Variants in SLC37A2 observed in about 807,000 individuals in gnomAD.
SLC37A2 encodes solute carrier family 37 member 2.
Under a neutral mutation model 70.7 loss-of-function variants are expected in SLC37A2, and 59 were observed. That is an observed-to-expected ratio of 0.83 (90% CI 0.68 to 1.04). The LOEUF (loss-of-function observed/expected upper bound fraction) is 1.04. SLC37A2 is among the 50% of genes least tolerant of loss of function. The pLI is 0.00. For missense variants in SLC37A2, 580 were observed against 658.1 expected (o/e 0.88, Z 1.30); for synonymous variants, 257 against 262.1 (o/e 0.98, Z 0.19).
chr11:125,077,235 T>C lies in SLC37A2; in HGVS notation c.147T>C (p.Arg49=). The change falls in exon 3 of 18, where the codon CGT becomes CGC. Residue 49 remains arginine, a synonymous_variant. Transcript: ENST00000403796. ...SRKPISIVKS[R]LHQNCSEQIK... ...ATGTCCCATTGCCTATCCAGAGCCG[T>C]CTGCACCAGAACTGCTCGGAGCAGA... 1.3e-6 allele frequency: 2 copies of C among 1,588,040 alleles called. No homozygotes were observed. Among genetic ancestry groups the C allele is most frequent in the Non-Finnish European group, 1.7e-6 (2 of 1,167,822 alleles).
At chr11:125,082,654 G>T (rs1949163035) in intron 10 of SLC37A2, among the ~76,000 whole-genome samples, 1 of 152,064 alleles carries the variant, frequency 6.6e-6, no homozygotes, top group Non-Finnish European at 1.5e-5. Context: ...CCCCCTCCAG[G>T]CTGCTTGGCT....
chr11:125,069,150 A>G (rs1949006692), intron 1 of SLC37A2, among the ~76,000 whole-genome samples: 1 of 152,226 alleles, frequency 6.6e-6, no homozygotes, highest in Non-Finnish European at 1.5e-5. Flanking sequence ...TGTGCCAGGC[A>G]TTGTTTATTT....
chr11:125,074,102 C>T (rs371881610), intron 1 of SLC37A2, among the ~76,000 whole-genome samples: 127 of 152,238 alleles, frequency 8.3e-4, no homozygotes, highest in African/African-American at 3.0e-3. Flanking sequence ...GCGGAGTTCC[C>T]CAAACAGGTA....
chr11:125,082,251 T>C lies in SLC37A2; in HGVS notation c.893T>C (p.Val298Ala). The change falls in exon 10 of 18, where the codon GTC (valine) becomes GCC (alanine). Residue 298 changes from valine (V) to alanine (A), a missense_variant. Val to Ala is a moderately conservative substitution (Grantham distance 64, BLOSUM62 0). Coordinates refer to ENST00000403796, the MANE Select transcript of SLC37A2 (RefSeq NM_001145290.2). ...FFGALRIPGV[V>A]EFSLCLLFAK... ...CCCTGTTGCACTCCCCAGGGCGTGG[T>C]CGAGTTCTCTCTGTGTCTGCTGTTT... 1 of 1,613,922 alleles carries C rather than the reference T, an allele frequency of 6.2e-7. No homozygotes were observed. Among genetic ancestry groups the C allele is most frequent in the African/African-American group, 1.3e-5 (1 of 74,976 alleles).
chr11:125,075,726 A>G (rs1375276513), intron 1 of SLC37A2, among the ~76,000 whole-genome samples: 2 of 152,188 alleles, frequency 1.3e-5, no homozygotes, highest in African/African-American at 4.8e-5. Context: ...GCTTCATGCC[A>G]CATTTGGGGG....
chr11:125,076,682 G>A (rs751829429), intron 1 of SLC37A2, 75 bp from the exon 2 acceptor site: 76 of 1,377,510 alleles, frequency 5.5e-5, no homozygotes, highest in Non-Finnish European at 7.2e-5. Context: ...GAGGGGACAC[G>A]GGTCAGGGAT....
chr11:125,075,521 C>A (rs1310642607), intron 1 of SLC37A2, among the ~76,000 whole-genome samples: 1 of 152,104 alleles, frequency 6.6e-6, no homozygotes, highest in East Asian at 1.9e-4. Flanking sequence ...CACTGTTGCA[C>A]CTTCATGCTG....
intron 1 of SLC37A2, among the ~76,000 whole-genome samples, chr11:125,070,949 C>G (rs775557564): frequency 6.6e-6 from 1 of 152,214 alleles, no homozygotes; most frequent in Non-Finnish European, 1.5e-5. Context: ...AGCAAGGTTT[C>G]GAAATAGTCT....
At chr11:125,087,798 A>C in intron 17 of SLC37A2, 2 of 222,930 alleles carry the variant, frequency 9.0e-6, no homozygotes, top group Non-Finnish European at 1.8e-5. Context: ...ACGCCCGGCT[A>C]ATTTTGTATT....
intron 5 of SLC37A2, 134 bp from the exon 6 acceptor site, chr11:125,079,550 G>A (rs765930674): frequency 4.1e-5 from 28 of 689,710 alleles, no homozygotes; most frequent in Non-Finnish European, 6.3e-5. Flanking sequence ...GTAAGGGAAG[G>A]GTAAGGTTTG....
At chr11:125,071,974 T>G (rs1286923789) in intron 1 of SLC37A2, among the ~76,000 whole-genome samples, 1 of 151,984 alleles carries the variant, frequency 6.6e-6, no homozygotes, top group Admixed American at 6.6e-5. Flanking sequence ...ACTGAATCCA[T>G]TTTCTCTGGA....
Position 125,079,217 on chromosome 11 carries a change from C to A in SLC37A2, c.420C>A (p.Ile140=). ...SLFGLGYFWN[I]HELWYFVVIQ... ...TTGGCCTGGGATATTTCTGGAACAT[C>A]CACGAGCTCTGGTACTTTGTGGTCA... The change falls in exon 5 of 18, where the codon ATC becomes ATA. Residue 140 remains isoleucine (I), a synonymous_variant. Coordinates refer to ENST00000403796, the MANE Select transcript of SLC37A2 (RefSeq NM_001145290.2). 6.2e-7 allele frequency: 1 copy of A among 1,614,168 alleles called. No individual in the cohort carries two copies. The highest frequency in any genetic ancestry group is 8.5e-7 in the Non-Finnish European group (1 of 1,180,024).
In SLC37A2 at chr11:125,083,511, A is replaced by C; in HGVS notation, c.977-304A>C. ...GAGCTTCAGGTTGCGCTCCAGGGGA[A>C]AGGTGGCCACGGGACAGCAGGCTCG... is the stretch of plus-strand genomic sequence containing the variant. On this transcript the variant is annotated intron_variant, in intron 10 of 17. Transcript: ENST00000403796. The surrounding 1 kb of genome is among the most constrained non-coding windows in gnomAD (Gnocchi z 4.6). 9.2e-6 allele frequency: 3 copies of C among 324,430 alleles called. No individual in the cohort carries two copies. Among genetic ancestry groups the C allele is most frequent in the Non-Finnish European group, 1.2e-5 (2 of 171,788 alleles). 20.1% of individuals were successfully genotyped at this position (324,430 alleles called of 1,614,324 possible). A position where few individuals can be genotyped will look rare whatever the true frequency, so the allele number is the denominator to read the frequency against.
chr11:125,071,522 TC>T (rs1478011256), intron 1 of SLC37A2, among the ~76,000 whole-genome samples: 1 of 152,218 alleles, frequency 6.6e-6, no homozygotes, highest in Non-Finnish European at 1.5e-5. Context: ...CAGACTGTCA[TC>T]TGAGCCACCA....
intron 17 of SLC37A2, chr11:125,087,841 A>G: frequency 3.3e-6 from 1 of 307,642 alleles, no homozygotes; most frequent in Non-Finnish European, 6.1e-6. Flanking sequence ...CATGTTGGTC[A>G]GGCTGGTCTT....
intron 17 of SLC37A2, chr11:125,087,265 A>G (rs1293515612): frequency 6.6e-6 from 1 of 152,448 alleles, no homozygotes; most frequent in East Asian, 1.9e-4. Flanking sequence ...GGCACAGCCT[A>G]ACACTGAAAC....
intron 16 of SLC37A2, 136 bp from the exon 17 acceptor site, chr11:125,085,818 C>T (rs1949207161): frequency 6.5e-6 from 8 of 1,225,280 alleles, no homozygotes; most frequent in Non-Finnish European, 9.5e-6. Context: ...TCTCCCTCCC[C>T]CGAGTGACCC....
chr11:125,086,560 A>G (rs1414709765), intron 17 of SLC37A2: 2 of 400,780 alleles, frequency 5.0e-6, no homozygotes, highest in African/African-American at 2.0e-5. Flanking sequence ...CTGAGCTGCA[A>G]GTGCCTCCTG....
chr11:125,067,262 G>A (rs1265581766), intron 1 of SLC37A2, among the ~76,000 whole-genome samples: 1 of 152,080 alleles, frequency 6.6e-6, no homozygotes, highest in Non-Finnish European at 1.5e-5. Context: ...AAAGCACCAG[G>A]ATTGCAGACA....
Sources: allele counts gnomAD v4.1 joint callset (sites outside exome capture counted in the v4.1 genomes callset), GRCh38; gene constraint gnomAD v4.1.1; non-coding constraint Gnocchi (gnomAD v3.1); transcripts MANE v1.5; gene names NCBI Gene and HGNC (gene_info 2026-07-23, HGNC 2026-07-21).